Variants in WWTR1 observed in about 807,000 individuals in gnomAD.
The protein encoded by WWTR1 is WW domain-containing transcription regulator protein 1.
WWTR1 carries 13 observed loss-of-function variants against 40.1 expected under a neutral mutation model. That is an observed-to-expected ratio of 0.32 (90% CI 0.21 to 0.52). The LOEUF (loss-of-function observed/expected upper bound fraction) is 0.52. Among genes scored for constraint, WWTR1 ranks in the 20% least tolerant of loss-of-function variants. The probability of loss-of-function intolerance (pLI) is 0.97; values close to 1 mark genes in which losing one functional copy is unlikely to be tolerated. For missense variants in WWTR1, 436 were observed against 523.1 expected (o/e 0.83, Z 1.63); for synonymous variants, 230 against 210.1 (o/e 1.09, Z -0.82).
Position 149,664,662 on chromosome 3 carries a change from C to T in WWTR1, c.-4+5126G>A, listed in dbSNP as rs188428526. Reference sequence around the variant, plus strand: ...GTAGTGCAATGGCGCCATCTCGGCTCACCGCAACCTCCACCTCCCGGGTTC... The same window carrying T: ...GTAGTGCAATGGCGCCATCTCGGCTTACCGCAACCTCCACCTCCCGGGTTC... On this transcript the variant is annotated intron_variant, in intron 2 of 7. Coordinates refer to the WWTR1 transcript ENST00000465804. Among the ~76,000 whole-genome samples the T allele has an allele frequency of 4.7e-3, 718 of 151,402 alleles. 4 individuals carry two copies. Among genetic ancestry groups the T allele is most frequent in the African/African-American group, 0.016 (677 of 41,170 alleles).
At chr3:149,667,502 C>G (rs1187849450) in intron 2 of WWTR1, among the ~76,000 whole-genome samples, 1 of 150,404 alleles carries the variant, frequency 6.6e-6, no homozygotes, top group African/African-American at 2.5e-5. Context: ...GAGCTCAGAT[C>G]GTGCCACTGC....
At chr3:149,696,254 C>T (rs964802499) in intron 1 of WWTR1, among the ~76,000 whole-genome samples, 2 of 151,894 alleles carry the variant, frequency 1.3e-5, no homozygotes, top group Non-Finnish European at 2.9e-5. Flanking sequence ...TGTCCCTTTT[C>T]TGTGTTCCTC....
intron 4 of WWTR1, among the ~76,000 whole-genome samples, chr3:149,530,527 A>G (rs1266407234): frequency 1.3e-5 from 2 of 151,900 alleles, no homozygotes; most frequent in African/African-American, 4.8e-5. Flanking sequence ...AATTAGATAT[A>G]AAATAAATAG....
chr3:149,607,184 G>T (rs911250059), intron 2 of WWTR1, among the ~76,000 whole-genome samples: 17 of 152,092 alleles, frequency 1.1e-4, no homozygotes, highest in African/African-American at 3.6e-4. Context: ...ATCTTTTTTA[G>T]TATTCATTGA....
At chr3:149,537,883 T>A (rs1735907681) in intron 4 of WWTR1, among the ~76,000 whole-genome samples, 2 of 152,216 alleles carry the variant, frequency 1.3e-5, no homozygotes, top group Admixed American at 6.5e-5. Flanking sequence ...AACACTTTTT[T>A]AAATGCTAAT....
intron 3 of WWTR1, among the ~76,000 whole-genome samples, chr3:149,572,595 G>A (rs1051147755): frequency 3.9e-5 from 6 of 152,216 alleles, no homozygotes; most frequent in Non-Finnish European, 7.4e-5. Context: ...AGCAAACACC[G>A]TCTGGGTGCA....
chr3:149,657,092 C>G lies in WWTR1; in HGVS notation c.215G>C (p.Gly72Ala), dbSNP rs1235003169. The change falls in exon 2 of 7, where the codon GGC becomes GCC. Residue 72 changes from glycine (G) to alanine (A), a missense_variant. Transcript: ENST00000360632. Reference sequence around the variant, plus strand: ...CCCAGCCAGTCGAGGCCCCGGGTGGCCGCCCGACGAGTCGGTGCTGGACTG... The same window carrying G: ...CCCAGCCAGTCGAGGCCCCGGGTGGGCGCCCGACGAGTCGGTGCTGGACTG... The part of the protein sequence containing the change: ...SRQSSTDSSG[G>A]HPGPRLAGGA... 6.4e-7 allele frequency: 1 copy of G among 1,571,554 alleles called. No individual in the cohort carries two copies. The highest frequency in any genetic ancestry group is 1.1e-5 in the South Asian group (1 of 87,150).
At chr3:149,668,028 A>G (rs1313898859) in intron 2 of WWTR1, among the ~76,000 whole-genome samples, 1 of 152,210 alleles carries the variant, frequency 6.6e-6, no homozygotes, top group African/African-American at 2.4e-5. Context: ...TCCCTCGTAT[A>G]GATTGTACAG....
rs1313537348 is a variant in WWTR1, at chr3:149,545,672, C to A, written c.569-3135G>T. On this transcript the variant is annotated intron_variant, in intron 3 of 6. Transcript: ENST00000360632. ...GAGTAGCTAGGATTACAGTCGTGTG[C>A]CACCCTGCCCCGCTAATTTTTGTAT... Among the ~76,000 whole-genome samples, 6 of 152,132 alleles carry A rather than the reference C, an allele frequency of 3.9e-5. No homozygotes were observed. In the East Asian group the frequency reaches 1.2e-3, roughly 29 times the overall value.
At chr3:149,535,262 C>A (rs1447649489) in intron 4 of WWTR1, among the ~76,000 whole-genome samples, 2 of 151,608 alleles carry the variant, frequency 1.3e-5, no homozygotes, top group Non-Finnish European at 2.9e-5. Flanking sequence ...ATTTTGAAAT[C>A]CTAACATTAA....
At chr3:149,565,083 G>T (rs1203537493) in intron 3 of WWTR1, among the ~76,000 whole-genome samples, 1 of 152,014 alleles carries the variant, frequency 6.6e-6, no homozygotes, top group Non-Finnish European at 1.5e-5. Flanking sequence ...AGATACTCGG[G>T]GGCTGAGCTG....
chr3:149,569,490 C>T (rs1040368804), intron 3 of WWTR1, among the ~76,000 whole-genome samples: 3 of 152,282 alleles, frequency 2.0e-5, no homozygotes, highest in Middle Eastern at 3.4e-3. Context: ...CTAGTAACTA[C>T]AGAGCCAGGA....
At chr3:149,550,799 TGA>T (rs1736587630) in intron 3 of WWTR1, among the ~76,000 whole-genome samples, 1 of 146,244 alleles carries the variant, frequency 6.8e-6, no homozygotes, top group Non-Finnish European at 1.5e-5. Flanking sequence ...CATAAGCACG[TGA>T]TGATTTAAAA....
chr3:149,619,574 G>A (rs1740171770), intron 2 of WWTR1, among the ~76,000 whole-genome samples: 1 of 152,166 alleles, frequency 6.6e-6, no homozygotes, highest in Non-Finnish European at 1.5e-5. Flanking sequence ...AGTAAGCTAT[G>A]ATCACACCAC....
At chr3:149,677,607 G>A (rs541203484) in intron 1 of WWTR1, among the ~76,000 whole-genome samples, 10 of 152,238 alleles carry the variant, frequency 6.6e-5, no homozygotes, top group Admixed American at 4.6e-4. Context: ...TTGGGAGGCC[G>A]AGACGGGTGG....
At chr3:149,705,378 G>A (rs1413504921), upstream of WWTR1, among the ~76,000 whole-genome samples, 1 of 152,146 alleles carries the variant, frequency 6.6e-6, no homozygotes, top group Admixed American at 6.6e-5. Flanking sequence ...AATCCAACAA[G>A]CTTTCAGAGG....
chr3:149,655,879 A>G (rs1183443779), intron 2 of WWTR1, among the ~76,000 whole-genome samples: 2 of 152,210 alleles, frequency 1.3e-5, no homozygotes, highest in Non-Finnish European at 2.9e-5. Flanking sequence ...CTACTCTACT[A>G]AAGAAATATG....
chr3:149,553,748 G>C (rs1736709969), intron 3 of WWTR1, among the ~76,000 whole-genome samples: 1 of 152,118 alleles, frequency 6.6e-6, no homozygotes, highest in Non-Finnish European at 1.5e-5. Context: ...AAATATTTCA[G>C]CATCAAGAGT....
chr3:149,678,009 G>A (rs1447600166), intron 1 of WWTR1, among the ~76,000 whole-genome samples: 1 of 151,606 alleles, frequency 6.6e-6, no homozygotes, highest in East Asian at 2.0e-4. Flanking sequence ...GATCTCAGCT[G>A]ATCCACCTGT....
Sources: allele counts gnomAD v4.1 joint callset (sites outside exome capture counted in the v4.1 genomes callset), GRCh38; gene constraint gnomAD v4.1.1; transcripts MANE v1.5; gene names NCBI Gene and HGNC (gene_info 2026-07-23, HGNC 2026-07-21).